The following IZUMO3 variants were observed in gnomAD, a reference collection of about 807,000 sequenced individuals.
The protein encoded by IZUMO3 is IZUMO family member 3.
IZUMO3 carries 36 observed loss-of-function variants against 28.4 expected under a neutral mutation model. The ratio of observed to expected loss-of-function variants is 1.27; its 90% confidence interval spans 0.97 to 1.67. The LOEUF (loss-of-function observed/expected upper bound fraction) is 1.67. IZUMO3 is among the 40% of genes most tolerant of loss of function. The pLI is 0.00. For missense variants in IZUMO3, 387 were observed against 278.5 expected (o/e 1.39, Z -2.77); for synonymous variants, 126 against 99.2 (o/e 1.27, Z -1.61).
At chr9:24,544,855 G>T in intron 3 of IZUMO3, 95 bp from the exon 4 acceptor site, 1 of 1,361,784 alleles carries the variant, frequency 7.3e-7, no homozygotes. Context: ...TTAAGTTCCA[G>T]TTACCTCTCC....
chr9:24,544,974 AT>A lies in IZUMO3; in HGVS notation c.388del (p.Ile130LeufsTer23). On this transcript the variant is annotated frameshift_variant, in exon 3 of 7. Coordinates refer to ENST00000543880, the MANE Select transcript of IZUMO3 (RefSeq NM_001365008.2). LOFTEE classifies it high-confidence loss of function. ...LKELLKNFSE[I>X]ACSEDCIVVE... Reference sequence around the variant, plus strand: ...GTTATATAGAAAGTTTTACTTACCAATTTCAGAGAAGTTCTTTAGTAATTCT... The same window carrying A: ...GTTATATAGAAAGTTTTACTTACCAATTCAGAGAAGTTCTTTAGTAATTCT... 1.3e-6 allele frequency: 2 copies of A among 1,547,072 alleles called. No individual in the cohort carries two copies. The highest frequency in any genetic ancestry group is 1.7e-6 in the Non-Finnish European group (2 of 1,143,744).
At position 24,544,780 on chromosome 9, in the gene IZUMO3, T is replaced by C; in HGVS notation, c.392-20A>G. 6.5e-7 allele frequency: 1 copy of C among 1,549,472 alleles called. No individual in the cohort carries two copies. The highest frequency in any genetic ancestry group is 8.7e-7 in the Non-Finnish European group (1 of 1,146,128). On this transcript the variant is annotated intron_variant, in intron 3 of 6. Transcript: ENST00000543880. ...AACAAGCTAGAAGAGAATCAGAAAG[T>C]TCTAATGAGTTTAAAACCAGCTACA...
rs551761226 is a variant in IZUMO3 at position 24,544,647 on chromosome 9, C to A, written c.409+96G>T. The A allele has an allele frequency of 2.9e-4, 317 of 1,096,766 alleles. 1 individual carries two copies. The South Asian group carries it at 4.3e-3, about 15-fold the overall frequency. The allele number at this position is 1,096,766 out of a possible 1,614,324, so 67.9% of individuals were successfully genotyped here. On this transcript the variant is annotated intron_variant, in intron 4 of 6. Transcript: ENST00000543880. ...TAACCACAGCTCTAGGAATTGGTTT[C>A]CCAGTGTAACAGGTGGGAGAGATAG... is the stretch of plus-strand genomic sequence containing the variant.
In IZUMO3 at chr9:24,543,080, A is replaced by G. The variant is rs1819485888; in HGVS notation, c.*149T>C. ...TTACTTCCGTTGTCTCAGGATATCA[A>G]TAAGCATTTTCATTAGAGAAACTCT... is the stretch of plus-strand genomic sequence containing the variant. On this transcript the variant is annotated 3_prime_UTR_variant, in exon 7 of 7. Transcript: ENST00000543880. The G allele has an allele frequency of 1.8e-5, 11 of 625,958 alleles. No individual in the cohort carries two copies. Among genetic ancestry groups the G allele is most frequent in the South Asian group, 1.0e-4 (3 of 29,154 alleles). The allele number at this position is 625,958 out of a possible 1,614,324, so 38.8% of individuals were successfully genotyped here.
At chr9:24,545,097 G>C (rs900025884) in intron 2 of IZUMO3, 36 bp from the exon 3 acceptor site, 1 of 1,481,118 alleles carries the variant, frequency 6.8e-7, no homozygotes, top group African/African-American at 1.4e-5. Context: ...AAAAATAGAA[G>C]TAGCTCTTCC....
In IZUMO3 at chr9:24,544,971, C is replaced by T. The variant is rs367775753; in HGVS notation, c.391+1G>A. 24 of 1,544,906 alleles carry T rather than the reference C, an allele frequency of 1.6e-5. No homozygotes were observed. Among genetic ancestry groups the T allele is most frequent in the Non-Finnish European group, 2.1e-5 (24 of 1,141,872 alleles). ...GCTGTTATATAGAAAGTTTTACTTA[C>T]CAATTTCAGAGAAGTTCTTTAGTAA... is the stretch of plus-strand genomic sequence containing the variant. On this transcript the variant is annotated splice_donor_variant, in intron 3 of 6. Transcript: ENST00000543880. LOFTEE classifies it high-confidence loss of function.
rs1819561691 is a variant in IZUMO3, at chr9:24,545,159, T to C, written c.301+53A>G. 3 of 1,520,620 alleles carry C rather than the reference T, an allele frequency of 2.0e-6. No individual in the cohort carries two copies. The Middle Eastern group carries it at 5.1e-4, about 257-fold the overall frequency. 94.2% of individuals were successfully genotyped at this position (1,520,620 alleles called of 1,614,324 possible). A position where few individuals can be genotyped will look rare whatever the true frequency, so the allele number is the denominator to read the frequency against. On this transcript the variant is annotated intron_variant, in intron 2 of 6. Transcript: ENST00000543880. Reference sequence around the variant, plus strand: ...TATCTTTGTTTTCCCCAGCCAAATTTTCTGAGGCTTGCTTGAGCAATACAA... The same window carrying C: ...TATCTTTGTTTTCCCCAGCCAAATTCTCTGAGGCTTGCTTGAGCAATACAA...
intron 3 of IZUMO3, 83 bp downstream of exon 3, chr9:24,544,889 T>A: frequency 7.5e-7 from 1 of 1,327,264 alleles, no homozygotes; most frequent in Non-Finnish European, 1.1e-6. Flanking sequence ...AACTCTATTA[T>A]GAACTTGCAT....
In IZUMO3 at chr9:24,545,876, G is replaced by T. The variant is rs1316757124; in HGVS notation, c.-227C>A. 2.0e-6 allele frequency: 3 copies of T among 1,506,980 alleles called. No homozygotes were observed. The highest frequency in any genetic ancestry group is 8.9e-7 in the Non-Finnish European group (1 of 1,120,336). The allele number at this position is 1,506,980 out of a possible 1,614,324, so 93.4% of individuals were successfully genotyped here. On this transcript the variant is annotated 5_prime_UTR_variant, in exon 1 of 7. Transcript: ENST00000543880. Reference sequence around the variant, plus strand: ...ATTCTAGGAGAGGGAACTGCCAGCTGGGGAGCGGATACCTGAGTTCTGAGT... The same window carrying T: ...ATTCTAGGAGAGGGAACTGCCAGCTTGGGAGCGGATACCTGAGTTCTGAGT...
In IZUMO3 at chr9:24,543,316, C is replaced by T. The variant is rs748850206; in HGVS notation, c.633G>A (p.Ser211=). ...HRRKMKAIRR[S]LKEYVEKKLE... Reference sequence around the variant, plus strand: ...GTTTCTTCTCCACATATTCCTTTAGCGACCTTCGTATTGCCTTCATTTTCC... The same window carrying T: ...GTTTCTTCTCCACATATTCCTTTAGTGACCTTCGTATTGCCTTCATTTTCC... Residue 211 remains serine, a synonymous_variant, in exon 7 of 7, where the codon TCG becomes TCA. Transcript: ENST00000543880. 4.9e-5 allele frequency: 76 copies of T among 1,548,398 alleles called. 1 individual carries two copies. The East Asian group carries it at 7.4e-4, about 15-fold the overall frequency.
At chr9:24,545,102 T>C in intron 2 of IZUMO3, 41 bp from the exon 3 acceptor site, 1 of 1,477,194 alleles carries the variant, frequency 6.8e-7, no homozygotes, top group Non-Finnish European at 9.3e-7. Context: ...TAGAAGTAGC[T>C]CTTCCCTTCA....
rs770310591 is a variant in IZUMO3 at position 24,545,534 on chromosome 9, A to G, written c.116T>C (p.Leu39Pro). Residue 39 changes from leucine (L) to proline (P), a missense_variant, in exon 1 of 7, where the codon CTG becomes CCG. Physicochemically the swap from Leu to Pro is moderately conservative, Grantham distance 98. Transcript: ENST00000543880. Reference protein sequence around the residue: ...IEDVGSLLGNLIPSEVPGRTQ... With the variant: ...IEDVGSLLGNPIPSEVPGRTQ... ...TCGGCCGGGGACTTCTGAAGGTATC[A>G]GATTTCCCAGCAAGGAGCCAACATC... The G allele has an allele frequency of 5.1e-4, 779 of 1,535,282 alleles. No homozygotes were observed. The highest frequency in any genetic ancestry group is 6.6e-4 in the Non-Finnish European group (758 of 1,146,722).
chr9:24,543,051 C>G lies in IZUMO3; in HGVS notation c.*178G>C, dbSNP rs561209869. The G allele has an allele frequency of 2.8e-5, 14 of 501,226 alleles. No individual in the cohort carries two copies. In the South Asian group the frequency reaches 5.7e-4, roughly 20 times the overall value. 31.0% of individuals were successfully genotyped at this position (501,226 alleles called of 1,614,324 possible). A position where few individuals can be genotyped will look rare whatever the true frequency, so the allele number is the denominator to read the frequency against. ...CAACTCTGGCCAAATTATTTGCTCT[C>G]CCATTACTTCCGTTGTCTCAGGATA... On this transcript the variant is annotated 3_prime_UTR_variant, in exon 7 of 7. Transcript: ENST00000543880.
Position 24,544,228 on chromosome 9 carries a change from TGTTA to T in IZUMO3, c.459_462del (p.Asn154GlyfsTer32). The T allele has an allele frequency of 6.5e-7, 1 of 1,550,028 alleles. No homozygotes were observed. On this transcript the variant is annotated frameshift_variant, in exon 5 of 7. Coordinates refer to ENST00000543880, the MANE Select transcript of IZUMO3 (RefSeq NM_001365008.2). LOFTEE classifies it high-confidence loss of function. ...CCACAATATTCTCCTTTGAAGCACC[TGTTA>T]GTCATGCGAAGACACGTCCAACAAT... is the stretch of plus-strand genomic sequence containing the variant.
intron 4 of IZUMO3, 103 bp downstream of exon 4, chr9:24,544,640 T>C (rs1819540352): frequency 4.1e-6 from 4 of 984,988 alleles, no homozygotes; most frequent in Non-Finnish European, 6.2e-6. Context: ...GCTCTAGGAA[T>C]TGGTTTCCCA....
Position 24,545,545 on chromosome 9 carries a change from C to T in IZUMO3, c.105G>A (p.Leu35=), listed in dbSNP as rs897917477. ...CTTCTGAAGGTATCAGATTTCCCAG[C>T]AAGGAGCCAACATCCTCTATAAATT... ...DPKFIEDVGS[L]LGNLIPSEVP... Residue 35 remains leucine (L), a synonymous_variant, in exon 1 of 7, where the codon TTG becomes TTA. Coordinates refer to ENST00000543880, the MANE Select transcript of IZUMO3 (RefSeq NM_001365008.2). 2.0e-6 allele frequency: 3 copies of T among 1,535,388 alleles called. No individual in the cohort carries two copies. The South Asian group carries it at 3.6e-5, about 18-fold the overall frequency.
At position 24,543,047 on chromosome 9, in the gene IZUMO3, C is replaced by T. The variant is rs183323376; in HGVS notation, c.*182G>A. ...TGTACAACTCTGGCCAAATTATTTG[C>T]TCTCCCATTACTTCCGTTGTCTCAG... On this transcript the variant is annotated 3_prime_UTR_variant, in exon 7 of 7. Transcript: ENST00000543880. 6.3e-3 allele frequency: 3,059 copies of T among 485,368 alleles called. 31 individuals carry two copies. Among genetic ancestry groups the T allele is most frequent in the Non-Finnish European group, 5.4e-3 (1,536 of 285,528 alleles). 30.1% of individuals were successfully genotyped at this position (485,368 alleles called of 1,614,324 possible). A position where few individuals can be genotyped will look rare whatever the true frequency, so the allele number is the denominator to read the frequency against.
chr9:24,544,631 C>G (rs1295094265), intron 4 of IZUMO3, 112 bp downstream of exon 4: 4 of 919,572 alleles, frequency 4.3e-6, no homozygotes. Context: ...GTAACCACAG[C>G]TCTAGGAATT....
Position 24,544,896 on chromosome 9 carries a change from G to T in IZUMO3, c.391+76C>A, listed in dbSNP as rs1333453692. On this transcript the variant is annotated intron_variant, in intron 3 of 6. Transcript: ENST00000543880. ...TTCTAAATAACTCTATTATGAACTT[G>T]CATTTCTTCCCTCATCCCGCATTTT... is the stretch of plus-strand genomic sequence containing the variant. The T allele has an allele frequency of 4.5e-6, 6 of 1,346,198 alleles. No homozygotes were observed. In the East Asian group the frequency reaches 1.0e-4, roughly 22 times the overall value. The allele number at this position is 1,346,198 out of a possible 1,614,324, so 83.4% of individuals were successfully genotyped here.
Sources: allele counts gnomAD v4.1 joint callset, GRCh38; gene constraint gnomAD v4.1.1; transcripts MANE v1.5; gene names NCBI Gene and HGNC (gene_info 2026-07-23, HGNC 2026-07-21).